Variants in OXR1 observed in about 807,000 individuals in gnomAD.
OXR1 encodes oxidation resistance 1.
Under a neutral mutation model 104.6 loss-of-function variants are expected in OXR1, and 41 were observed. That is an observed-to-expected ratio of 0.39 (90% CI 0.31 to 0.51). OXR1 has a LOEUF of 0.51. OXR1 is among the 20% of genes least tolerant of loss of function. The probability of loss-of-function intolerance (pLI) is 0.77; values close to 1 mark genes in which losing one functional copy is unlikely to be tolerated. For synonymous variants in OXR1, 348 were observed against 348.4 expected (o/e 1.00, Z 0.01); for missense variants, 955 against 1,031.9 (o/e 0.93, Z 1.02).
chr8:106,520,088 G>A (rs897597825), intron 3 of OXR1, among the ~76,000 whole-genome samples: 1 of 152,176 alleles, frequency 6.6e-6, no homozygotes, highest in African/African-American at 2.4e-5. Flanking sequence ...AGCTGTAATA[G>A]TAGAGACTGT....
chr8:106,648,107 C>G (rs1824239371), intron 3 of OXR1, among the ~76,000 whole-genome samples: 1 of 152,102 alleles, frequency 6.6e-6, no homozygotes, highest in Non-Finnish European at 1.5e-5. Flanking sequence ...AATGTTGTGG[C>G]TACTCATAAT....
chr8:106,603,986 G>T (rs1442376493), intron 3 of OXR1, among the ~76,000 whole-genome samples: 1 of 152,172 alleles, frequency 6.6e-6, no homozygotes, highest in African/African-American at 2.4e-5. Context: ...CCAGGAGGCG[G>T]TTGTTGCAGT....
At chr8:106,542,513 A>G (rs140462600) in intron 3 of OXR1, among the ~76,000 whole-genome samples, 1 of 152,178 alleles carries the variant, frequency 6.6e-6, no homozygotes, top group Non-Finnish European at 1.5e-5. Context: ...ATTTCCACCA[A>G]CGTTTGTTAA....
At chr8:106,320,257 C>T (rs893772669) in intron 1 of OXR1, among the ~76,000 whole-genome samples, 1 of 152,152 alleles carries the variant, frequency 6.6e-6, no homozygotes, top group African/African-American at 2.4e-5. Context: ...TGCTTTCTTC[C>T]CCCATTGTCC....
intron 2 of OXR1, among the ~76,000 whole-genome samples, chr8:106,420,403 ATTT>A (rs1196315995): frequency 6.6e-6 from 1 of 151,808 alleles, no homozygotes; most frequent in African/African-American, 2.4e-5. Flanking sequence ...TAGTAGTTTT[ATTT>A]TTAATTTCAG....
chr8:106,726,751 T>G (rs1287642078), intron 11 of OXR1, among the ~76,000 whole-genome samples: 1 of 152,110 alleles, frequency 6.6e-6, no homozygotes, highest in Non-Finnish European at 1.5e-5. Context: ...GACTAAAAGG[T>G]TTTTTAAGCT....
chr8:106,549,071 G>GA (rs199889947), intron 3 of OXR1, among the ~76,000 whole-genome samples: 1,882 of 147,882 alleles, frequency 0.013, 40 homozygotes, highest in African/African-American at 0.042. Flanking sequence ...ATGATCACCG[G>GA]AAAAAAAAAC....
At chr8:106,702,869 C>G in intron 7 of OXR1, 37 bp from the exon 8 acceptor site, 1 of 1,517,524 alleles carries the variant, frequency 6.6e-7, no homozygotes, top group Non-Finnish European at 9.0e-7. Context: ...AAGTATCAAC[C>G]TTGAGGATTA....
At chr8:106,434,672 T>C (rs1819500813) in intron 2 of OXR1, among the ~76,000 whole-genome samples, 1 of 152,192 alleles carries the variant, frequency 6.6e-6, no homozygotes, top group Admixed American at 6.5e-5. Context: ...TTTGTAACAG[T>C]TTAGACAGAG....
intron 1 of OXR1, among the ~76,000 whole-genome samples, chr8:106,304,275 T>C (rs1204073496): frequency 6.6e-6 from 1 of 152,178 alleles, no homozygotes; most frequent in Non-Finnish European, 1.5e-5. Context: ...TGGAAAAGTG[T>C]TTTGAATTTG....
chr8:106,485,262 C>A (rs930769667), intron 2 of OXR1, among the ~76,000 whole-genome samples: 3 of 152,044 alleles, frequency 2.0e-5, no homozygotes, highest in Non-Finnish European at 4.4e-5. Context: ...ACTATACATT[C>A]TTCCAAACCC....
At chr8:106,423,785 T>C (rs146806495) in intron 2 of OXR1, among the ~76,000 whole-genome samples, 2 of 152,196 alleles carry the variant, frequency 1.3e-5, no homozygotes, top group African/African-American at 4.8e-5. Flanking sequence ...GAGTAATGAA[T>C]CTTATCCTCC....
Position 106,644,033 on chromosome 8 carries a change from T to C in OXR1, c.221-35177T>C, listed in dbSNP as rs1196999904. ...GCATTTTATGAGCCTACATGTGTTT[T>C]ACAAGTTCAAATTTACATTTTGATT... On this transcript the variant is annotated intron_variant, in intron 3 of 16. Transcript: ENST00000517566. 2.0e-5 allele frequency among the ~76,000 whole-genome samples: 3 copies of C among 152,190 alleles called. No individual in the cohort carries two copies. In the East Asian group the frequency reaches 5.8e-4, roughly 29 times the overall value.
At chr8:106,724,636 G>T in intron 11 of OXR1, among the ~76,000 whole-genome samples, 1 of 152,100 alleles carries the variant, frequency 6.6e-6, no homozygotes, top group South Asian at 2.1e-4. Context: ...CAGCATTCTG[G>T]TATAACAAAT....
chr8:106,288,898 A>G (rs1002924348), intron 1 of OXR1, among the ~76,000 whole-genome samples: 3 of 152,000 alleles, frequency 2.0e-5, no homozygotes, highest in African/African-American at 7.3e-5. Context: ...TTCATTCAGC[A>G]AGTATGTCGA....
At chr8:106,279,775 A>G (rs1812203167) in intron 1 of OXR1, among the ~76,000 whole-genome samples, 1 of 152,226 alleles carries the variant, frequency 6.6e-6, no homozygotes, top group African/African-American at 2.4e-5. Flanking sequence ...TGATGTTGTA[A>G]CTTATCAGAG....
At chr8:106,499,258 T>C (rs1407305241) in intron 2 of OXR1, among the ~76,000 whole-genome samples, 1 of 152,116 alleles carries the variant, frequency 6.6e-6, no homozygotes, top group African/African-American at 2.4e-5. Flanking sequence ...GCTTGGGAGA[T>C]GATTACCAGA....
intron 3 of OXR1, among the ~76,000 whole-genome samples, chr8:106,626,788 T>C (rs948815947): frequency 2.0e-5 from 3 of 151,274 alleles, no homozygotes; most frequent in Admixed American, 2.0e-4. Context: ...TTGTGGTTAT[T>C]ATTCACTAGC....
chr8:106,742,655 C>A (rs1835019107), intron 15 of OXR1, among the ~76,000 whole-genome samples: 1 of 152,080 alleles, frequency 6.6e-6, no homozygotes, highest in Admixed American at 6.6e-5. Context: ...ACACCTGTAA[C>A]CATCTGATCT....
Sources: allele counts gnomAD v4.1 joint callset (sites outside exome capture counted in the v4.1 genomes callset), GRCh38; gene constraint gnomAD v4.1.1; transcripts MANE v1.5; gene names NCBI Gene and HGNC (gene_info 2026-07-23, HGNC 2026-07-21).